CERK: variants seen among roughly 807,000 people sequenced by gnomAD.
The protein encoded by CERK is ceramide kinase.
CERK carries 39 observed loss-of-function variants against 63.4 expected under a neutral mutation model. The observed-to-expected ratio is 0.61, with a 90% CI of 0.48 to 0.80. CERK has a LOEUF of 0.80. CERK is among the 30% of genes least tolerant of loss of function. The pLI is 0.00. For synonymous variants in CERK, 302 were observed against 280.0 expected, an observed-to-expected ratio of 1.08 and a Z score of -0.78; for missense variants, 670 against 714.1, an observed-to-expected ratio of 0.94 and a Z score of 0.70.
chr22:46,696,397 G>A (rs1417076842), intron 8 of CERK, among the ~76,000 whole-genome samples: 2 of 152,102 alleles, frequency 1.3e-5, no homozygotes, highest in East Asian at 1.9e-4. Flanking sequence ...TCGTGTCCAC[G>A]GCCCTGGGAG....
intron 12 of CERK, among the ~76,000 whole-genome samples, chr22:46,687,727 C>T (rs1162383166): frequency 6.6e-6 from 1 of 152,142 alleles, no homozygotes; most frequent in East Asian, 1.9e-4. Context: ...CAAGAGCCTT[C>T]GGGCTTGAGG....
chr22:46,691,056 T>TACATACACACACACACACACACAC (rs1555982639), intron 11 of CERK, among the ~76,000 whole-genome samples: 2 of 147,194 alleles, frequency 1.4e-5, no homozygotes, highest in Admixed American at 1.4e-4. Flanking sequence ...TATACATACA[T>TACATACACACACACACACACACAC]ACACACACAC....
intron 12 of CERK, among the ~76,000 whole-genome samples, chr22:46,687,894 C>T (rs143117097): frequency 6.6e-6 from 1 of 152,280 alleles, no homozygotes; most frequent in East Asian, 1.9e-4. Flanking sequence ...ACCTAAACCC[C>T]TTCATTAAGT....
intron 12 of CERK, among the ~76,000 whole-genome samples, chr22:46,688,799 G>A (rs135668): frequency 0.52 from 79,142 of 152,190 alleles, 21,633 homozygotes; most frequent in African/African-American, 0.68. Flanking sequence ...GTTAACGAGC[G>A]TCAAGCTGGG....
At position 46,702,173 on chromosome 22, in the gene CERK, G is replaced by A. The variant is rs2082788241; in HGVS notation, c.716-463C>T. Among the ~76,000 whole-genome samples, 11 of 76,138 alleles carry A rather than the reference G, an allele frequency of 1.4e-4. No individual in the cohort carries two copies. In the South Asian group the frequency reaches 5.5e-3, roughly 38 times the overall value. The allele number at this position is 76,138 out of a possible 152,430, so 49.9% of individuals were successfully genotyped here. ...AGCCTGGGCAACAGAGTGAGACTTC[G>A]TCTCAAAAAAAAAAAAAAAAAGGAG... On this transcript the variant is annotated intron_variant, in intron 6 of 12. Transcript: ENST00000216264.
chr22:46,699,237 G>C, intron 8 of CERK, 76 bp downstream of exon 8: 2 of 1,465,092 alleles, frequency 1.4e-6, no homozygotes, highest in South Asian at 2.5e-5. Flanking sequence ...GTGCTCAGTG[G>C]ATTCAGTCAG....
intron 10 of CERK, among the ~76,000 whole-genome samples, chr22:46,692,458 C>T (rs1442373747): frequency 2.0e-5 from 3 of 146,374 alleles, no homozygotes; most frequent in Admixed American, 6.8e-5. Context: ...AAAAATTAGC[C>T]AGGTATGGCG....
chr22:46,713,791 G>C (rs547879121), intron 3 of CERK, among the ~76,000 whole-genome samples: 52 of 152,240 alleles, frequency 3.4e-4, no homozygotes, highest in Middle Eastern at 6.8e-3. Flanking sequence ...AAGCCTTGAT[G>C]GGTTTGAGTT....
At chr22:46,687,967 C>A (rs148221766) in intron 12 of CERK, among the ~76,000 whole-genome samples, 7 of 152,106 alleles carry the variant, frequency 4.6e-5, no homozygotes, top group Admixed American at 1.3e-4. Context: ...GAGGTCCAGG[C>A]GGGCGGATCA....
chr22:46,687,265 A>G, intron 12 of CERK, 59 bp from the exon 13 acceptor site: 1 of 1,358,088 alleles, frequency 7.4e-7, no homozygotes, highest in Non-Finnish European at 1.0e-6. Flanking sequence ...AGCTGGCCTG[A>G]GCCCCACTCC....
intron 1 of CERK, among the ~76,000 whole-genome samples, chr22:46,733,692 C>G (rs906932645): frequency 3.9e-5 from 6 of 151,926 alleles, no homozygotes; most frequent in Non-Finnish European, 7.4e-5. Context: ...TGGATTCCAT[C>G]TTGGTTAGGA....
At chr22:46,688,145 G>A (rs900182109) in intron 12 of CERK, among the ~76,000 whole-genome samples, 7 of 152,058 alleles carry the variant, frequency 4.6e-5, no homozygotes, top group Admixed American at 2.6e-4. Flanking sequence ...CCGAGACCTC[G>A]CCATTGCACT....
intron 1 of CERK, among the ~76,000 whole-genome samples, chr22:46,736,537 G>A (rs1164551755): frequency 6.6e-6 from 1 of 152,224 alleles, no homozygotes; most frequent in Non-Finnish European, 1.5e-5. Flanking sequence ...TCATCTTCCT[G>A]AAGCCTAGGG....
Position 46,716,998 on chromosome 22 carries a change from C to T in CERK, c.379+3088G>A, listed in dbSNP as rs138398698. Among the ~76,000 whole-genome samples the T allele has an allele frequency of 1.9e-3, 291 of 151,882 alleles. 1 individual carries two copies. The highest frequency in any genetic ancestry group is 3.6e-3 in the Non-Finnish European group (243 of 67,920). On this transcript the variant is annotated intron_variant, in intron 3 of 12. Transcript: ENST00000216264. ...AAGGAAGAGAAAGATAACAACCAAA[C>T]GGAAAAATGGACAAAAGACTTGAAC...
At position 46,706,663 on chromosome 22, in the gene CERK, G is replaced by A. The variant is rs369888976; in HGVS notation, c.715+1180C>T. Among the ~76,000 whole-genome samples, 25 of 152,188 alleles carry A rather than the reference G, an allele frequency of 1.6e-4. No individual in the cohort carries two copies. The East Asian group carries it at 4.6e-3, about 28-fold the overall frequency. On this transcript the variant is annotated intron_variant, in intron 6 of 12. Coordinates refer to ENST00000216264, the MANE Select transcript of CERK (RefSeq NM_022766.6). ...ATCACGCCTTCCCTAAAAGCCAAAG[G>A]GAAGGGATCGTAACCAGACGATCAT...
At chr22:46,697,489 C>A (rs567294052) in intron 8 of CERK, among the ~76,000 whole-genome samples, 1 of 151,586 alleles carries the variant, frequency 6.6e-6, no homozygotes, top group Non-Finnish European at 1.5e-5. Flanking sequence ...CTCCCTATGT[C>A]GCCCAGGCTG....
In CERK at chr22:46,689,949, C is replaced by A. The variant is rs1335078111; in HGVS notation, c.1541+43G>T. 16 of 1,504,156 alleles carry A rather than the reference C, an allele frequency of 1.1e-5. No homozygotes were observed. In the South Asian group the frequency reaches 1.8e-4, roughly 17 times the overall value. 93.2% of individuals were successfully genotyped at this position (1,504,156 alleles called of 1,614,324 possible). On this transcript the variant is annotated intron_variant, in intron 12 of 12. Transcript: ENST00000216264. ...GCAGCTTGTGACAGACACCTCAGGG[C>A]TCAAGGGGATGGCGCTGGTGGCTGG...
intron 6 of CERK, among the ~76,000 whole-genome samples, chr22:46,702,223 A>ATGTGTGTGTGTGTG (rs34222392): frequency 1.4e-3 from 119 of 84,780 alleles, no homozygotes; most frequent in Non-Finnish European, 2.0e-3. Context: ...AAATATATAT[A>ATGTGTGTGTGTGTG]TGTGTGTGTG....
intron 9 of CERK, among the ~76,000 whole-genome samples, chr22:46,694,176 A>C (rs1187823410): frequency 6.6e-6 from 1 of 152,190 alleles, no homozygotes; most frequent in Admixed American, 6.5e-5. Context: ...AAAGGAAAGG[A>C]CGTGAGTGTC....
Sources: allele counts gnomAD v4.1 joint callset (sites outside exome capture counted in the v4.1 genomes callset), GRCh38; gene constraint gnomAD v4.1.1; transcripts MANE v1.5; gene names NCBI Gene and HGNC (gene_info 2026-07-23, HGNC 2026-07-21).